Variants in LAMA3 observed in about 807,000 individuals in gnomAD.
The protein encoded by LAMA3 is laminin subunit alpha 3.
Under a neutral mutation model 402.0 loss-of-function variants are expected in LAMA3, and 281 were observed. That is an observed-to-expected ratio of 0.70 (90% CI 0.63 to 0.77). LAMA3 has a LOEUF of 0.77. Among genes scored for constraint, LAMA3 ranks in the 30% least tolerant of loss-of-function variants. LAMA3 has a pLI of 0.00. For missense variants in LAMA3, 3,840 were observed against 4,215.5 expected, an observed-to-expected ratio of 0.91 and a Z score of 2.47; for synonymous variants, 1,431 against 1,558.4, an observed-to-expected ratio of 0.92 and a Z score of 1.93.
At chr18:23,788,141 G>T (rs1238922955) in intron 12 of LAMA3, among the ~76,000 whole-genome samples, 1 of 151,790 alleles carries the variant, frequency 6.6e-6, no homozygotes, top group Admixed American at 6.6e-5. Flanking sequence ...AGTTTATAAA[G>T]ACACTCTATA....
Position 23,777,631 on chromosome 18 carries a change from C to G in LAMA3, c.1468+12C>G. On this transcript the variant is annotated intron_variant, in intron 11 of 74. Coordinates refer to ENST00000313654, the MANE Select transcript of LAMA3 (RefSeq NM_198129.4). ...TGGAGATATAAAAGGCAAGTAACCT[C>G]CCTTTTGGTTTAACTCCAGTGAAAA... 6.3e-7 allele frequency: 1 copy of G among 1,593,626 alleles called. No homozygotes were observed. The highest frequency in any genetic ancestry group is 8.6e-7 in the Non-Finnish European group (1 of 1,161,304).
Position 23,898,857 on chromosome 18 carries a change from T to C in LAMA3, c.5724+9T>C. The stretch of plus-strand genomic sequence containing the variant: ...AGACTTTGCAAGAAAAGGTAATGTG[T>C]TAGGTCCATTTAACTTTGGGGTTTT... On this transcript the variant is annotated intron_variant, in intron 45 of 74. Coordinates refer to ENST00000313654, the MANE Select transcript of LAMA3 (RefSeq NM_198129.4). 6.4e-7 allele frequency: 1 copy of C among 1,572,206 alleles called. No individual in the cohort carries two copies. Among genetic ancestry groups the C allele is most frequent in the East Asian group, 2.2e-5 (1 of 44,638 alleles).
chr18:23,694,356 G>T (rs2060646391), intron 1 of LAMA3, among the ~76,000 whole-genome samples: 1 of 152,172 alleles, frequency 6.6e-6, no homozygotes, highest in African/African-American at 2.4e-5. Context: ...AATATAGGGG[G>T]CAGAATGGTG....
At chr18:23,707,718 A>C (rs1213996878) in intron 1 of LAMA3, among the ~76,000 whole-genome samples, 1 of 151,146 alleles carries the variant, frequency 6.6e-6, no homozygotes, top group Non-Finnish European at 1.5e-5. Context: ...TCAGGCTGTC[A>C]CCAACTCCCT....
At position 23,904,087 on chromosome 18, in the gene LAMA3, A is replaced by G. The variant is rs1213062154; in HGVS notation, c.6473A>G (p.Glu2158Gly). 1.2e-6 allele frequency: 2 copies of G among 1,613,454 alleles called. No individual in the cohort carries two copies. The highest frequency in any genetic ancestry group is 1.7e-6 in the Non-Finnish European group (2 of 1,179,998). The stretch of plus-strand genomic sequence containing the variant: ...CAAGAGCTGGCAAAGCAGCTGGAAG[A>G]GTGAGTGCATGGCCCAGGAGACCAG... Reference protein sequence around the residue: ...SLQELAKQLEEIKRNASGDEL... With the variant: ...SLQELAKQLEGIKRNASGDEL... Residue 2158 changes from glutamate to glycine, a missense_variant and splice_region_variant, in exon 50 of 75, where the codon GAG becomes GGG. This residue lies in a region of LAMA3 where 891 missense variants were observed against 857.5 expected (regional missense o/e 1.04). Coordinates refer to ENST00000313654, the MANE Select transcript of LAMA3 (RefSeq NM_198129.4).
intron 2 of LAMA3, among the ~76,000 whole-genome samples, chr18:23,741,876 C>G (rs1386283752): frequency 2.6e-5 from 4 of 152,170 alleles, no homozygotes; most frequent in Non-Finnish European, 5.9e-5. Flanking sequence ...CCTGACAGCA[C>G]TTTGGGAGGC....
intron 30 of LAMA3, 65 bp from the exon 31 acceptor site, chr18:23,846,232 A>C: frequency 2.0e-6 from 3 of 1,507,218 alleles, no homozygotes; most frequent in Non-Finnish European, 2.8e-6. Flanking sequence ...TGGTAAAGGC[A>C]AGGTTGAGGC....
At chr18:23,709,781 CTTTCTTTT>C (rs1354170009) in intron 1 of LAMA3, 2 of 600,806 alleles carry the variant, frequency 3.3e-6, no homozygotes, top group Non-Finnish European at 6.2e-6. Flanking sequence ...TTCTTTCTTT[CTTTCTTTT>C]TTTCTGGTGA....
At chr18:23,886,327 A>G (rs1183311838) in intron 41 of LAMA3, among the ~76,000 whole-genome samples, 1 of 152,212 alleles carries the variant, frequency 6.6e-6, no homozygotes, top group Non-Finnish European at 1.5e-5. Flanking sequence ...ATTGGAAAGG[A>G]TCAATATTTT....
chr18:23,935,724 A>T (rs1599140746), intron 67 of LAMA3, among the ~76,000 whole-genome samples: 1 of 152,158 alleles, frequency 6.6e-6, no homozygotes, highest in Non-Finnish European at 1.5e-5. Flanking sequence ...AACACAAAAT[A>T]CTTAGAAAAG....
At chr18:23,929,090 T>C (rs1465468840) in intron 64 of LAMA3, among the ~76,000 whole-genome samples, 1 of 152,236 alleles carries the variant, frequency 6.6e-6, no homozygotes, top group Non-Finnish European at 1.5e-5. Flanking sequence ...AGCTTAAAGT[T>C]TCAGAGCTCA....
chr18:23,954,403 A>T (rs2083039047), intron 74 of LAMA3, 100 bp from the exon 75 acceptor site: 2 of 352,342 alleles, frequency 5.7e-6, no homozygotes, highest in East Asian at 2.7e-4. Context: ...ACCCTGTCTA[A>T]AAAAAAAAAA....
rs1357497104 is a variant in LAMA3, at chr18:23,898,719, A to G, written c.5614-19A>G. Reference sequence around the variant, plus strand: ...GTCTTTATACTGTAAAGTGACATTCATTTGTGTTTTGTTTCCAGAATCAGT... The same window carrying G: ...GTCTTTATACTGTAAAGTGACATTCGTTTGTGTTTTGTTTCCAGAATCAGT... On this transcript the variant is annotated intron_variant, in intron 44 of 74. Transcript: ENST00000313654. The G allele has an allele frequency of 3.0e-6, 4 of 1,312,724 alleles. No homozygotes were observed. 81.3% of individuals were successfully genotyped at this position (1,312,724 alleles called of 1,614,324 possible).
At chr18:23,902,266 G>A (rs894639930) in intron 48 of LAMA3, among the ~76,000 whole-genome samples, 3 of 152,016 alleles carry the variant, frequency 2.0e-5, no homozygotes, top group South Asian at 2.1e-4. Flanking sequence ...TGGGTTGGGA[G>A]CAAGGCTGCA....
Position 23,939,305 on chromosome 18 carries a change from C to A in LAMA3, c.8945C>A (p.Ala2982Asp), listed in dbSNP as rs181006797. 30 of 1,614,128 alleles carry A rather than the reference C, an allele frequency of 1.9e-5. No homozygotes were observed. The East Asian group carries it at 5.3e-4, about 29-fold the overall frequency. Reference protein sequence around the residue: ...DACSPLPKTQANHGALQFGDI... With the variant: ...DACSPLPKTQDNHGALQFGDI... The stretch of plus-strand genomic sequence containing the variant: ...TGCTCACCACTTCCCAAGACCCAGG[C>A]CAATCATGGAGCCCTCCAGTTTGGG... Residue 2982 changes from alanine (A) to aspartate (D), a missense_variant, in exon 68 of 75, where the codon GCC (alanine) becomes GAC (aspartate). Ala to Asp is a moderately radical substitution (Grantham distance 126). Transcript: ENST00000313654.
At chr18:23,800,605 G>T (rs527845461) in intron 12 of LAMA3, among the ~76,000 whole-genome samples, 2 of 152,174 alleles carry the variant, frequency 1.3e-5, no homozygotes, top group Middle Eastern at 3.4e-3. Flanking sequence ...CATTCACCCT[G>T]CAGTATTAGG....
intron 41 of LAMA3, 25 bp downstream of exon 41, chr18:23,884,878 C>T: frequency 6.3e-7 from 1 of 1,582,518 alleles, no homozygotes; most frequent in Non-Finnish European, 8.6e-7. Flanking sequence ...CCTCCCGCCT[C>T]AGCCTGCAGA....
chr18:23,770,929 G>A (rs1358470067), intron 8 of LAMA3, among the ~76,000 whole-genome samples: 1 of 152,068 alleles, frequency 6.6e-6, no homozygotes, highest in African/African-American at 2.4e-5. Flanking sequence ...TCAAATTTTG[G>A]TGAGAATGTG....
At position 23,842,501 on chromosome 18, in the gene LAMA3, A is replaced by G. The variant is rs751414010; in HGVS notation, c.3443A>G (p.Asp1148Gly). Residue 1148 changes from aspartate to glycine, a missense_variant, in exon 28 of 75, where the codon GAT (aspartate) becomes GGT (glycine). Asp to Gly is a moderately conservative substitution (Grantham distance 94, BLOSUM62 -1). This residue lies in a region of LAMA3 where 2,109 missense variants were observed against 2,376.0 expected (regional missense o/e 0.89). Transcript: ENST00000313654. ...HPTFPAQVSV[D>G]GGWPRAGSFH... Reference sequence around the variant, plus strand: ...ACGTTTCCCGCGCAGGTGTCGGTGGATGGCGGGTGGCCACGGGCAGGTGAG... The same window carrying G: ...ACGTTTCCCGCGCAGGTGTCGGTGGGTGGCGGGTGGCCACGGGCAGGTGAG... 2.5e-6 allele frequency: 4 copies of G among 1,614,070 alleles called. No homozygotes were observed. In the East Asian group the frequency reaches 8.9e-5, roughly 36 times the overall value.
Sources: gnomAD v4.1 joint callset for allele counts (sites outside exome capture counted in the v4.1 genomes callset) on GRCh38, gnomAD v4.1.1 for gene constraint, gnomAD v4.1.1 regional missense constraint, MANE v1.5 for transcripts, NCBI Gene and HGNC (gene_info 2026-07-23, HGNC 2026-07-21) for gene names.